The following DPP6 variants were observed in gnomAD, a reference collection of about 807,000 sequenced individuals.
DPP6 encodes A-type potassium channel modulatory protein DPP6.
Under a neutral mutation model 122.6 loss-of-function variants are expected in DPP6, and 69 were observed. The ratio of observed to expected loss-of-function variants is 0.56; its 90% CI spans 0.46 to 0.69. DPP6 has a LOEUF of 0.69. Ranked by LOEUF, DPP6 falls within the 30% of genes least tolerant of loss-of-function variation. The pLI is 0.00. For synonymous variants in DPP6, 418 were observed against 433.1 expected, an observed-to-expected ratio of 0.97 and a Z score of 0.43; for missense variants, 928 against 1,116.9, an observed-to-expected ratio of 0.83 and a Z score of 2.41.
intron 1 of DPP6, among the ~76,000 whole-genome samples, chr7:154,078,996 C>T (rs1330504401): frequency 1.3e-5 from 2 of 149,584 alleles, no homozygotes; most frequent in African/African-American, 4.9e-5. Flanking sequence ...TGGTGGCTCA[C>T]GCCTGTAATC....
At chr7:153,988,544 T>G (rs1261675514) in intron 1 of DPP6, among the ~76,000 whole-genome samples, 1 of 152,152 alleles carries the variant, frequency 6.6e-6, no homozygotes, top group African/African-American at 2.4e-5. Context: ...CCACCCTTTT[T>G]TGAGGGAGAG....
the DPP6 span, among the ~76,000 whole-genome samples, chr7:153,804,060 T>TTC: frequency 1.3e-5 from 2 of 151,364 alleles, no homozygotes; most frequent in Admixed American, 6.6e-5. Flanking sequence ...GTACTTTTTT[T>TTC]TTTTTTTGAG....
At chr7:153,894,884 T>G (rs1049954111) in intron 1 of DPP6, among the ~76,000 whole-genome samples, 3 of 152,176 alleles carry the variant, frequency 2.0e-5, no homozygotes, top group Non-Finnish European at 2.9e-5. Flanking sequence ...TAAGGGAGCT[T>G]CTTGAAAAAT....
intron 10 of DPP6, among the ~76,000 whole-genome samples, chr7:154,774,707 A>G (rs189475780): frequency 4.6e-5 from 7 of 152,356 alleles, no homozygotes; most frequent in Admixed American, 4.6e-4. Flanking sequence ...CCACACAGAT[A>G]TATCAGAAAT....
At chr7:154,854,845 C>T (rs989348482) in intron 17 of DPP6, among the ~76,000 whole-genome samples, 14 of 152,198 alleles carry the variant, frequency 9.2e-5, no homozygotes, top group African/African-American at 3.4e-4. Flanking sequence ...CCCTCGGTCC[C>T]TCCCTTTCCA....
At chr7:153,924,772 G>T (rs1253918120) in intron 1 of DPP6, among the ~76,000 whole-genome samples, 1 of 152,196 alleles carries the variant, frequency 6.6e-6, no homozygotes, top group East Asian at 1.9e-4. Context: ...AGGTGTTGCA[G>T]GACGTTGTGT....
intron 1 of DPP6, among the ~76,000 whole-genome samples, chr7:154,235,571 T>C (rs1801160281): frequency 6.7e-6 from 1 of 149,108 alleles, no homozygotes; most frequent in African/African-American, 2.6e-5. Flanking sequence ...TGTTCCTTTC[T>C]ATTGTCAAAT....
the DPP6 span, among the ~76,000 whole-genome samples, chr7:153,837,786 C>T: frequency 6.6e-6 from 1 of 150,558 alleles, no homozygotes; most frequent in Non-Finnish European, 1.5e-5. Flanking sequence ...TCAAGCAATT[C>T]TCCCCTCCTG....
At chr7:153,899,875 G>A (rs1350660615) in intron 1 of DPP6, among the ~76,000 whole-genome samples, 1 of 152,186 alleles carries the variant, frequency 6.6e-6, no homozygotes, top group Non-Finnish European at 1.5e-5. Context: ...AAGAGTTGAA[G>A]GCTATTATCT....
chr7:154,719,746 G>A (rs914143159), intron 7 of DPP6, among the ~76,000 whole-genome samples: 7 of 152,210 alleles, frequency 4.6e-5, no homozygotes, highest in Admixed American at 6.5e-5. Context: ...GCTCTTCTCC[G>A]CAGGTCACTG....
intron 1 of DPP6, among the ~76,000 whole-genome samples, chr7:153,898,246 A>C (rs573417794): frequency 2.0e-5 from 3 of 152,180 alleles, no homozygotes; most frequent in Non-Finnish European, 4.4e-5. Flanking sequence ...TGAGTCTAGG[A>C]GTTTAAGACC....
At chr7:153,918,730 A>G (rs910258749) in intron 1 of DPP6, among the ~76,000 whole-genome samples, 2 of 152,044 alleles carry the variant, frequency 1.3e-5, no homozygotes, top group African/African-American at 4.8e-5. Context: ...CTGTAATCCC[A>G]GCACTTTGAG....
intron 16 of DPP6, among the ~76,000 whole-genome samples, chr7:154,825,599 A>G (rs1800090678): frequency 6.6e-6 from 1 of 152,156 alleles, no homozygotes; most frequent in African/African-American, 2.4e-5. Flanking sequence ...GTGACTGTTG[A>G]ATCTGCTTTT....
intron 16 of DPP6, among the ~76,000 whole-genome samples, chr7:154,811,579 C>T (rs1799064425): frequency 6.6e-6 from 1 of 152,140 alleles, no homozygotes; most frequent in Admixed American, 6.5e-5. Flanking sequence ...AGAAAAAGCA[C>T]AAGAAATGTT....
intron 10 of DPP6, among the ~76,000 whole-genome samples, chr7:154,776,505 C>G (rs959642581): frequency 6.6e-6 from 1 of 152,124 alleles, no homozygotes; most frequent in Non-Finnish European, 1.5e-5. Context: ...TTTTTAGATA[C>G]TTTTTTAAAT....
At chr7:154,622,469 G>A (rs1259818274) in intron 5 of DPP6, among the ~76,000 whole-genome samples, 1 of 152,196 alleles carries the variant, frequency 6.6e-6, no homozygotes, top group Non-Finnish European at 1.5e-5. Context: ...TCTGTACAGG[G>A]TCTGGTTGGA....
chr7:154,866,420 A>G (rs1803882813), intron 17 of DPP6, among the ~76,000 whole-genome samples: 1 of 152,226 alleles, frequency 6.6e-6, no homozygotes, highest in Admixed American at 6.5e-5. Flanking sequence ...AGGGGCATGC[A>G]GGCCCCTTGG....
chr7:154,264,481 CT>C (rs1230227147), intron 1 of DPP6, among the ~76,000 whole-genome samples: 2 of 151,956 alleles, frequency 1.3e-5, no homozygotes, highest in African/African-American at 4.8e-5. Context: ...CCTATTTCCA[CT>C]TGAAAAAAAT....
intron 1 of DPP6, among the ~76,000 whole-genome samples, chr7:154,188,310 T>C (rs908926254): frequency 3.3e-5 from 5 of 152,164 alleles, no homozygotes; most frequent in Non-Finnish European, 7.3e-5. Flanking sequence ...AAAAAAATAC[T>C]TTCCCCCCCA....
Sources: allele counts gnomAD v4.1 joint callset (sites outside exome capture counted in the v4.1 genomes callset), GRCh38; gene constraint gnomAD v4.1.1; transcripts MANE v1.5; gene names NCBI Gene and HGNC (gene_info 2026-07-23, HGNC 2026-07-21).